DMD: variants seen among roughly 807,000 people sequenced by gnomAD.
DMD encodes the protein mutant dystrophin.
A neutral mutation model predicts 330.1 loss-of-function variants in DMD; 63 were observed. That is an observed-to-expected ratio of 0.19 (90% CI 0.16 to 0.24). DMD has a LOEUF of 0.24. Among genes scored for constraint, DMD ranks in the 10% least tolerant of loss-of-function variants. The probability of loss-of-function intolerance (pLI) is 1.00; values close to 1 mark genes in which losing one functional copy is unlikely to be tolerated. For missense variants in DMD, 3,344 were observed against 2,684.1 expected (o/e 1.25, Z -5.43); for synonymous variants, 1,223 against 959.8 (o/e 1.27, Z -5.07).
intron 43 of DMD, among the ~76,000 whole-genome samples, chrX:32,233,130 C>G (rs1244287171): frequency 8.9e-6 from 1 of 112,144 alleles, no homozygotes; most frequent in Non-Finnish European, 1.9e-5. Context: ...GATACTATCT[C>G]TATCAATGGG....
chrX:33,036,212 T>G (rs1175527327), intron 1 of DMD, among the ~76,000 whole-genome samples: 1 of 111,609 alleles, frequency 9.0e-6, no homozygotes, highest in Admixed American at 9.5e-5. Flanking sequence ...TAAATTAAAT[T>G]TATGTTTATT....
At position 33,156,260 on chromosome X, in the gene DMD, A is replaced by G. The variant is rs756718862; in HGVS notation, c.31+55022T>C. Among the ~76,000 whole-genome samples the G allele has an allele frequency of 3.6e-5, 4 of 112,298 alleles. No individual in the cohort carries two copies. The East Asian group carries it at 1.1e-3, about 32-fold the overall frequency. On this transcript the variant is annotated intron_variant, in intron 1 of 78. Coordinates refer to ENST00000357033, the MANE Select transcript of DMD (RefSeq NM_004006.3). ...TCTGAGAATACTCCAAAACTTGTCC[A>G]TCTGAGTATCAATGGAAAATCTTGC...
chrX:32,034,219 TTAAG>T (rs1325731388), intron 44 of DMD, among the ~76,000 whole-genome samples: 1 of 111,974 alleles, frequency 8.9e-6, no homozygotes, highest in Non-Finnish European at 1.9e-5. Flanking sequence ...GGCAATATAA[TTAAG>T]TTTCTAACTC....
intron 63 of DMD, among the ~76,000 whole-genome samples, chrX:31,240,193 G>A (rs1020910788): frequency 9.1e-6 from 1 of 109,923 alleles, no homozygotes; most frequent in Non-Finnish European, 1.9e-5. Context: ...TCAGTCTATT[G>A]CGCTACAGGA....
intron 9 of DMD, among the ~76,000 whole-genome samples, chrX:32,658,802 C>T (rs2060758542): frequency 9.0e-6 from 1 of 111,389 alleles, no homozygotes; most frequent in African/African-American, 3.3e-5. Flanking sequence ...AACCAGTGGC[C>T]GCATTCGGGA....
chrX:31,683,996 G>A (rs1229647877), intron 52 of DMD, among the ~76,000 whole-genome samples: 1 of 111,524 alleles, frequency 9.0e-6, no homozygotes, highest in Non-Finnish European at 1.9e-5. Flanking sequence ...TAAAGACAGC[G>A]TTAAATAACT....
chrX:33,310,376 A>G (rs2053831412), intron 1 of DMD, among the ~76,000 whole-genome samples: 1 of 111,306 alleles, frequency 9.0e-6, no homozygotes, highest in Admixed American at 9.6e-5. Flanking sequence ...ATCTGCCATT[A>G]CCACAATAGT....
intron 39 of DMD, among the ~76,000 whole-genome samples, chrX:32,344,020 A>C (rs769510916): frequency 1.8e-5 from 2 of 112,303 alleles, no homozygotes; most frequent in South Asian, 7.3e-4. Context: ...GAAAACAGCA[A>C]GTGCATGCTT....
At chrX:32,748,831 G>C (rs999698658) in intron 7 of DMD, among the ~76,000 whole-genome samples, 1 of 112,375 alleles carries the variant, frequency 8.9e-6, no homozygotes, top group Non-Finnish European at 1.9e-5. Context: ...TCATTGCAGA[G>C]AACCAGGCAG....
At chrX:32,925,161 T>TTTG (rs2088871880) in intron 2 of DMD, among the ~76,000 whole-genome samples, 2 of 96,952 alleles carry the variant, frequency 2.1e-5, no homozygotes, top group Non-Finnish European at 4.1e-5. Context: ...TTTTTTTTTT[T>TTTG]TTTTTTTTTT....
At chrX:32,793,420 G>C (rs2075965293) in intron 7 of DMD, among the ~76,000 whole-genome samples, 1 of 109,768 alleles carries the variant, frequency 9.1e-6, no homozygotes, top group Non-Finnish European at 1.9e-5. Context: ...TTAGTAGAAG[G>C]ATGAAAATCC....
chrX:31,824,942 A>AT (rs1446820737), intron 49 of DMD, among the ~76,000 whole-genome samples: 2 of 111,709 alleles, frequency 1.8e-5, no homozygotes, highest in African/African-American at 6.5e-5. Flanking sequence ...ATTTACTAGC[A>AT]TATCAATAAA....
chrX:31,924,714 T>C (rs1440658602), intron 47 of DMD, among the ~76,000 whole-genome samples: 1 of 112,136 alleles, frequency 8.9e-6, no homozygotes, highest in African/African-American at 3.2e-5. Flanking sequence ...GTGAATAAGA[T>C]GCACTTAACT....
rs781778469 is a variant in DMD, at chrX:32,964,657, G to A, written c.93+55482C>T. On this transcript the variant is annotated intron_variant, in intron 2 of 78. Transcript: ENST00000357033. ...TGGGAGGCAGAGGTTGCAGTGAGCC[G>A]AGATTATGCCACTGCACTCCAGCCT... Among the ~76,000 whole-genome samples, 209 of 110,406 alleles carry A rather than the reference G, an allele frequency of 1.9e-3. 1 individual carries two copies. The highest frequency in any genetic ancestry group is 3.3e-3 in the Non-Finnish European group (173 of 52,641).
At chrX:32,831,840 T>C (rs1455305213) in intron 4 of DMD, among the ~76,000 whole-genome samples, 1 of 110,757 alleles carries the variant, frequency 9.0e-6, no homozygotes, top group Non-Finnish European at 1.9e-5. Context: ...ATTTAAGCAT[T>C]TGCGGTTTTA....
At chrX:32,393,390 T>C (rs758234161) in intron 30 of DMD, among the ~76,000 whole-genome samples, 2 of 111,370 alleles carry the variant, frequency 1.8e-5, no homozygotes, top group Admixed American at 1.9e-4. Context: ...AGGTATTAAA[T>C]AACTTTATGT....
In DMD at chrX:33,041,640, A is replaced by G. The variant is rs897521468; in HGVS notation, c.32-21440T>C. 3 of 1,207,853 alleles carry G rather than the reference A, an allele frequency of 2.5e-6. No individual in the cohort carries two copies. In the African/African-American group the frequency reaches 5.2e-5, roughly 21 times the overall value. ...CATATTTGGATCTTCAACAGATATT[A>G]GAAAGTGAAAAAGACTTGGAAGAAG... On this transcript the variant is annotated intron_variant, in intron 1 of 78. Transcript: ENST00000357033.
chrX:31,617,912 T>C (rs748596588), intron 55 of DMD, among the ~76,000 whole-genome samples: 1 of 111,929 alleles, frequency 8.9e-6, no homozygotes, highest in African/African-American at 3.2e-5. Context: ...AATGAGATTA[T>C]GTTCTTTGCA....
chrX:31,951,974 C>T (rs770130514), intron 45 of DMD, among the ~76,000 whole-genome samples: 3 of 110,499 alleles, frequency 2.7e-5, no homozygotes, highest in African/African-American at 6.5e-5. Flanking sequence ...TTGTTTTATG[C>T]GGAATTCTTG....
Sources: allele counts gnomAD v4.1 joint callset (sites outside exome capture counted in the v4.1 genomes callset), GRCh38; gene constraint gnomAD v4.1.1; transcripts MANE v1.5; gene names NCBI Gene and HGNC (gene_info 2026-07-23, HGNC 2026-07-21).